Variants in AGBL1 observed in about 807,000 individuals in gnomAD.
The protein encoded by AGBL1 is AGBL carboxypeptidase 1, also known as cytosolic carboxypeptidase 4.
Under a neutral mutation model 118.9 loss-of-function variants are expected in AGBL1, and 130 were observed. The ratio of observed to expected loss-of-function variants is 1.09; its 90% CI spans 0.95 to 1.26. AGBL1 has a LOEUF of 1.26. Among genes scored for constraint, AGBL1 ranks in the 50% most tolerant of loss-of-function variants. The probability of loss-of-function intolerance (pLI) is 0.00; values close to 1 mark genes in which losing one functional copy is unlikely to be tolerated. For missense variants in AGBL1, 1,584 were observed against 1,298.1 expected (o/e 1.22, Z -3.38); for synonymous variants, 555 against 478.9 (o/e 1.16, Z -2.08).
intron 1 of AGBL1, among the ~76,000 whole-genome samples, chr15:86,126,399 G>A (rs1480055914): frequency 1.3e-5 from 2 of 152,186 alleles, no homozygotes; most frequent in Non-Finnish European, 2.9e-5. Flanking sequence ...AGCAGGTGCA[G>A]TGTCCTTGGC....
At chr15:86,398,182 C>T (rs550172338) in intron 18 of AGBL1, among the ~76,000 whole-genome samples, 1 of 152,118 alleles carries the variant, frequency 6.6e-6, no homozygotes, top group African/African-American at 2.4e-5. Flanking sequence ...CAGAACTCTT[C>T]GAAATATATG....
chr15:86,845,261 T>C (rs976694823), intron 22 of AGBL1, among the ~76,000 whole-genome samples: 2 of 152,142 alleles, frequency 1.3e-5, no homozygotes, highest in Admixed American at 6.5e-5. Flanking sequence ...CATCTTAATA[T>C]TGAATTTTTT....
At chr15:86,664,079 C>G (rs533747478) in intron 21 of AGBL1, among the ~76,000 whole-genome samples, 6 of 152,164 alleles carry the variant, frequency 3.9e-5, no homozygotes, top group African/African-American at 1.4e-4. Context: ...CTAGCCCACA[C>G]CTTCAACCCT....
chr15:86,358,727 C>T (rs750948316), intron 17 of AGBL1, among the ~76,000 whole-genome samples: 2 of 151,824 alleles, frequency 1.3e-5, no homozygotes, highest in East Asian at 1.9e-4. Context: ...ATAGGTATGA[C>T]GTTATATCTC....
At chr15:86,587,270 A>T (rs545984450) in intron 21 of AGBL1, among the ~76,000 whole-genome samples, 85 of 152,320 alleles carry the variant, frequency 5.6e-4, no homozygotes, top group African/African-American at 2.0e-3. Context: ...TCAGGGATTC[A>T]AACTAAGTTG....
intron 6 of AGBL1, 68 bp from the exon 7 acceptor site, chr15:86,247,603 G>C: frequency 7.0e-7 from 1 of 1,425,826 alleles, no homozygotes; most frequent in South Asian, 1.2e-5. Flanking sequence ...GAAATACACT[G>C]GAACATTCTC....
chr15:86,293,333 T>G (rs2079578436), intron 16 of AGBL1, among the ~76,000 whole-genome samples: 1 of 152,346 alleles, frequency 6.6e-6, no homozygotes, highest in East Asian at 1.9e-4. Flanking sequence ...GGGTTGTGTT[T>G]CTTCTGGAGG....
intron 14 of AGBL1, among the ~76,000 whole-genome samples, chr15:86,270,670 G>T (rs1183368485): frequency 1.3e-5 from 2 of 152,136 alleles, no homozygotes; most frequent in Admixed American, 6.5e-5. Flanking sequence ...CCAAGTGCAG[G>T]GTACTGTCTC....
chr15:86,903,779 A>G (rs1335151177), intron 22 of AGBL1, among the ~76,000 whole-genome samples: 1 of 152,130 alleles, frequency 6.6e-6, no homozygotes, highest in Non-Finnish European at 1.5e-5. Context: ...TGGGAATTCC[A>G]GCTCCCCACC....
chr15:86,481,070 G>A (rs2082644821), intron 18 of AGBL1, among the ~76,000 whole-genome samples: 1 of 149,036 alleles, frequency 6.7e-6, no homozygotes, highest in African/African-American at 2.5e-5. Context: ...AGAGGAAGAA[G>A]AGGAATAAAA....
At chr15:86,838,289 A>C (rs768478839) in intron 22 of AGBL1, among the ~76,000 whole-genome samples, 7 of 152,170 alleles carry the variant, frequency 4.6e-5, no homozygotes, top group Non-Finnish European at 8.8e-5. Context: ...CTGGCCTGTA[A>C]GTTAGTGTGT....
chr15:86,923,186 A>C (rs897794771), intron 23 of AGBL1, among the ~76,000 whole-genome samples: 1 of 152,222 alleles, frequency 6.6e-6, no homozygotes, highest in Non-Finnish European at 1.5e-5. Context: ...CACATGATAA[A>C]TAGGCAGAGT....
chr15:86,360,346 G>A (rs1487716550), intron 17 of AGBL1, among the ~76,000 whole-genome samples: 2 of 141,188 alleles, frequency 1.4e-5, no homozygotes, highest in Non-Finnish European at 3.0e-5. Flanking sequence ...TTAATGTGGT[G>A]TATCACATTG....
chr15:86,592,840 C>A (rs115420528), intron 21 of AGBL1, among the ~76,000 whole-genome samples: 2,301 of 152,216 alleles, frequency 0.015, 58 homozygotes, highest in African/African-American at 0.052. Context: ...ATAACACATG[C>A]CAGACCAACA....
At chr15:86,632,431 G>A (rs557422603) in intron 21 of AGBL1, among the ~76,000 whole-genome samples, 4 of 152,090 alleles carry the variant, frequency 2.6e-5, no homozygotes, top group South Asian at 2.1e-4. Flanking sequence ...CAACAAGAGC[G>A]AAACTCTGTC....
intron 23 of AGBL1, among the ~76,000 whole-genome samples, chr15:86,966,284 T>C (rs1195200526): frequency 2.6e-5 from 4 of 151,804 alleles, no homozygotes; most frequent in African/African-American, 9.7e-5. Flanking sequence ...CATTTCTTTT[T>C]TTTTTTTTTT....
intron 1 of AGBL1, among the ~76,000 whole-genome samples, chr15:86,099,267 A>T (rs1896568043): frequency 6.6e-6 from 1 of 152,196 alleles, no homozygotes; most frequent in South Asian, 2.1e-4. Flanking sequence ...ACTAAAAAAA[A>T]TTACTAAGAA....
chr15:86,323,151 C>T (rs2080130861), intron 17 of AGBL1, among the ~76,000 whole-genome samples: 1 of 136,780 alleles, frequency 7.3e-6, no homozygotes, highest in African/African-American at 2.9e-5. Flanking sequence ...TTTCTTAGGC[C>T]AGCATAGTGA....
At chr15:86,439,418 G>A (rs966321584) in intron 18 of AGBL1, among the ~76,000 whole-genome samples, 1 of 152,102 alleles carries the variant, frequency 6.6e-6, no homozygotes, top group Non-Finnish European at 1.5e-5. Context: ...TTATGGCTCA[G>A]TATTAATGGC....
Sources: allele counts gnomAD v4.1 joint callset (sites outside exome capture counted in the v4.1 genomes callset), GRCh38; gene constraint gnomAD v4.1.1; transcripts MANE v1.5; gene names NCBI Gene and HGNC (gene_info 2026-07-23, HGNC 2026-07-21).